Variants in MPDZ observed in about 807,000 individuals in gnomAD.
MPDZ encodes the protein multiple PDZ domain protein.
Under a neutral mutation model 239.1 loss-of-function variants are expected in MPDZ, and 234 were observed. The observed-to-expected ratio is 0.98, with a 90% confidence interval of 0.88 to 1.09. MPDZ has a LOEUF of 1.09. Among genes scored for constraint, MPDZ ranks in the 50% least tolerant of loss-of-function variants. MPDZ has a pLI of 0.00. For synonymous variants in MPDZ, 1,048 were observed against 881.3 expected (o/e 1.19, Z -3.35); for missense variants, 3,175 against 2,510.0 (o/e 1.26, Z -5.66).
chr9:13,211,954 A>C (rs1957670810), intron 10 of MPDZ, among the ~76,000 whole-genome samples: 1 of 152,144 alleles, frequency 6.6e-6, no homozygotes, highest in African/African-American at 2.4e-5. Flanking sequence ...AATGTAAAAT[A>C]AATGAACATG....
chr9:13,109,910 A>G lies in MPDZ; in HGVS notation c.5942+42T>C, dbSNP rs116085345. On this transcript the variant is annotated intron_variant, in intron 45 of 46. Coordinates refer to ENST00000319217, the MANE Select transcript of MPDZ (RefSeq NM_001378778.1). ...CGCAACTGTCAGGAAGACTTGATTC[A>G]TAAGTGAAAAATGATACACTAATCA... 1.2e-3 allele frequency: 1,764 copies of G among 1,498,606 alleles called. 14 individuals are homozygous for G. The African/African-American group carries it at 0.02, about 17-fold the overall frequency. 92.8% of individuals were successfully genotyped at this position (1,498,606 alleles called of 1,614,324 possible).
chr9:13,179,023 G>A (rs1173765601), intron 19 of MPDZ, among the ~76,000 whole-genome samples: 3 of 152,004 alleles, frequency 2.0e-5, no homozygotes, highest in South Asian at 2.1e-4. Flanking sequence ...TTCTAAACGG[G>A]TAATTAATTG....
At chr9:13,183,741 G>A (rs1953706958) in intron 18 of MPDZ, among the ~76,000 whole-genome samples, 156 bp from the exon 19 acceptor site, 1 of 151,952 alleles carries the variant, frequency 6.6e-6, no homozygotes, top group African/African-American at 2.4e-5. Context: ...TGCTAATGCA[G>A]CAGAACAAGG....
intron 32 of MPDZ, among the ~76,000 whole-genome samples, chr9:13,129,370 G>A (rs1945594003): frequency 6.6e-6 from 1 of 151,372 alleles, no homozygotes; most frequent in Non-Finnish European, 1.5e-5. Flanking sequence ...GGCTGATGCA[G>A]GAGAATCGCT....
intron 21 of MPDZ, among the ~76,000 whole-genome samples, chr9:13,173,786 G>C (rs901660774): frequency 8.6e-5 from 13 of 151,570 alleles, no homozygotes; most frequent in African/African-American, 3.2e-4. Flanking sequence ...TCTTACAAGA[G>C]CCTCCTAACT....
Position 13,110,680 on chromosome 9 carries a change from C to A in MPDZ, c.5785G>T (p.Ala1929Ser). ...TSTEGMTHTQ[A>S]VNLLKNASGS... is the part of the protein sequence containing the mutation. ...GATGCATTTTTCAGTAGGTTAACTGCTTGGGTGTGAGTCATGCCCTCAGTG... is the reference window on the plus strand; with the variant it reads ...GATGCATTTTTCAGTAGGTTAACTGATTGGGTGTGAGTCATGCCCTCAGTG... The change falls in exon 44 of 47, where the codon GCA (alanine) becomes TCA (serine). Residue 1929 changes from alanine to serine, a missense_variant. Transcript: ENST00000319217. 12 of 1,613,790 alleles carry A rather than the reference C, an allele frequency of 7.4e-6. No individual in the cohort carries two copies. The highest frequency in any genetic ancestry group is 8.5e-6 in the Non-Finnish European group (10 of 1,179,814).
At chr9:13,211,555 A>G (rs1015779090) in intron 10 of MPDZ, among the ~76,000 whole-genome samples, 4 of 152,166 alleles carry the variant, frequency 2.6e-5, no homozygotes, top group African/African-American at 9.7e-5. Context: ...GAGCAACAAA[A>G]TAAGTAAAAT....
intron 19 of MPDZ, among the ~76,000 whole-genome samples, chr9:13,182,554 T>G (rs1273191932): frequency 1.3e-5 from 2 of 151,982 alleles, no homozygotes; most frequent in African/African-American, 4.8e-5. Flanking sequence ...CATATCAATT[T>G]CCAAAAAACA....
chr9:13,259,081 T>C (rs1588163967), intron 1 of MPDZ, among the ~76,000 whole-genome samples: 1 of 152,090 alleles, frequency 6.6e-6, no homozygotes, highest in East Asian at 1.9e-4. Context: ...CATCTGTTAT[T>C]TTATCTAACA....
At chr9:13,272,156 A>G (rs1344874774) in intron 1 of MPDZ, among the ~76,000 whole-genome samples, 1 of 152,106 alleles carries the variant, frequency 6.6e-6, no homozygotes, top group East Asian at 2.0e-4. Flanking sequence ...TACCACAATA[A>G]AACAGTTAAA....
intron 26 of MPDZ, among the ~76,000 whole-genome samples, chr9:13,144,823 T>TTG (rs1269255774): frequency 6.6e-6 from 1 of 152,078 alleles, no homozygotes; most frequent in Non-Finnish European, 1.5e-5. Context: ...CAACTCCTGC[T>TTG]TTACAAAAGA....
At chr9:13,164,464 A>C (rs974108523) in intron 22 of MPDZ, among the ~76,000 whole-genome samples, 2 of 152,200 alleles carry the variant, frequency 1.3e-5, no homozygotes, top group Non-Finnish European at 2.9e-5. Context: ...TTATTCCTAA[A>C]GATTCAGTAA....
chr9:13,198,621 T>C (rs572609049), intron 12 of MPDZ, among the ~76,000 whole-genome samples: 1 of 152,176 alleles, frequency 6.6e-6, no homozygotes, highest in Admixed American at 6.6e-5. Context: ...TTGGCTTTGG[T>C]TGCCCGTGCT....
chr9:13,273,261 A>G lies in MPDZ; in HGVS notation c.-58+6139T>C, dbSNP rs560963441. 4.0e-4 allele frequency among the ~76,000 whole-genome samples: 61 copies of G among 152,346 alleles called. 1 individual carries two copies. The highest frequency in any genetic ancestry group is 1.4e-3 in the African/African-American group (59 of 41,598). On this transcript the variant is annotated intron_variant, in intron 1 of 46. Coordinates refer to ENST00000319217, the MANE Select transcript of MPDZ (RefSeq NM_001378778.1). ...CTAAAACAGGGGCCTAGCAAGGTATAAGAGAAACTGGACATATCTTAAATA... is the reference window on the plus strand; with the variant it reads ...CTAAAACAGGGGCCTAGCAAGGTATGAGAGAAACTGGACATATCTTAAATA...
At position 13,106,899 on chromosome 9, in the gene MPDZ, C is replaced by A. The variant is rs1586827114; in HGVS notation, c.*66G>T. 13 of 1,558,508 alleles carry A rather than the reference C, an allele frequency of 8.3e-6. No individual in the cohort carries two copies. Among genetic ancestry groups the A allele is most frequent in the African/African-American group, 1.3e-5 (1 of 74,272 alleles). On this transcript the variant is annotated 3_prime_UTR_variant, in exon 47 of 47. Transcript: ENST00000319217. Reference sequence around the variant, plus strand: ...GAACACAGCATAAAAATTGTCAGGACCAGTGCATTCTCTTTACAGTAGGAG... The same window carrying A: ...GAACACAGCATAAAAATTGTCAGGAACAGTGCATTCTCTTTACAGTAGGAG...
chr9:13,251,538 C>G (rs1025856451), intron 1 of MPDZ, among the ~76,000 whole-genome samples: 1 of 152,198 alleles, frequency 6.6e-6, no homozygotes, highest in African/African-American at 2.4e-5. Flanking sequence ...ATGAGGAAGA[C>G]AGTCAGTCAG....
chr9:13,205,148 A>T lies in MPDZ; in HGVS notation c.1475-41T>A. The T allele has an allele frequency of 2.7e-6, 3 of 1,092,770 alleles. No homozygotes were observed. The East Asian group carries it at 8.8e-5, about 32-fold the overall frequency. 67.7% of individuals were successfully genotyped at this position (1,092,770 alleles called of 1,614,324 possible). A position where few individuals can be genotyped will look rare whatever the true frequency, so the allele number is the denominator to read the frequency against. ...ATTTTAGTAATTTTATCTTTAGTATAATCAAGTACTTGAATTTTTCTAAAC... is the reference window on the plus strand; with the variant it reads ...ATTTTAGTAATTTTATCTTTAGTATTATCAAGTACTTGAATTTTTCTAAAC... On this transcript the variant is annotated intron_variant, in intron 11 of 46. Transcript: ENST00000319217.
At chr9:13,177,346 A>G (rs1002228478) in intron 19 of MPDZ, among the ~76,000 whole-genome samples, 13 of 152,188 alleles carry the variant, frequency 8.5e-5, no homozygotes, top group African/African-American at 3.1e-4. Flanking sequence ...TACAATATGA[A>G]GAGTTTTCGC....
chr9:13,216,902 C>T, intron 9 of MPDZ, 40 bp from the exon 10 acceptor site: 4 of 1,485,938 alleles, frequency 2.7e-6, no homozygotes, highest in Non-Finnish European at 3.7e-6. Flanking sequence ...ATTTTCAAAG[C>T]ACATTCAAAG....
Sources: gnomAD v4.1 joint callset for allele counts (sites outside exome capture counted in the v4.1 genomes callset) on GRCh38, gnomAD v4.1.1 for gene constraint, MANE v1.5 for transcripts, NCBI Gene and HGNC (gene_info 2026-07-23, HGNC 2026-07-21) for gene names.